PSD3: variants seen among roughly 807,000 people sequenced by gnomAD.
PSD3 encodes pleckstrin and Sec7 domain containing 3.
PSD3 carries 49 observed loss-of-function variants against 105.5 expected under a neutral mutation model. The ratio of observed to expected loss-of-function variants is 0.46; its 90% CI spans 0.37 to 0.59. PSD3 has a LOEUF of 0.59. Among genes scored for constraint, PSD3 ranks in the 20% least tolerant of loss-of-function variants. The pLI, the probability that PSD3 is intolerant of heterozygous loss-of-function variation, is 0.00. For synonymous variants in PSD3, 557 were observed against 457.8 expected (o/e 1.22, Z -2.77); for missense variants, 1,561 against 1,263.8 (o/e 1.24, Z -3.57).
intron 8 of PSD3, among the ~76,000 whole-genome samples, chr8:18,773,144 T>C (rs949062771): frequency 6.6e-6 from 1 of 152,188 alleles, no homozygotes; most frequent in African/African-American, 2.4e-5. Context: ...GATTTTATAG[T>C]TTCAGGATTA....
intron 4 of PSD3, among the ~76,000 whole-genome samples, chr8:18,834,137 A>T (rs935782363): frequency 6.6e-6 from 1 of 152,192 alleles, no homozygotes. Flanking sequence ...ATGTAATCCA[A>T]TTCAAAGAGC....
chr8:18,886,582 T>C (rs989391225), intron 2 of PSD3, among the ~76,000 whole-genome samples: 9 of 152,210 alleles, frequency 5.9e-5, no homozygotes, highest in African/African-American at 9.6e-5. Context: ...TTTGCCTGCA[T>C]AGACCTACAA....
chr8:18,995,381 G>A (rs1826024133), intron 1 of PSD3, among the ~76,000 whole-genome samples: 1 of 152,028 alleles, frequency 6.6e-6, no homozygotes, highest in African/African-American at 2.4e-5. Flanking sequence ...AATGCAGAGT[G>A]GAAAGCGGAG....
chr8:18,819,213 C>G (rs1263313850), intron 4 of PSD3, among the ~76,000 whole-genome samples: 1 of 152,172 alleles, frequency 6.6e-6, no homozygotes, highest in Non-Finnish European at 1.5e-5. Context: ...CAAAGCCAGG[C>G]TTTCCAGAGG....
chr8:18,949,517 A>G (rs1823109412), intron 1 of PSD3, among the ~76,000 whole-genome samples: 1 of 151,976 alleles, frequency 6.6e-6, no homozygotes, highest in South Asian at 2.1e-4. Flanking sequence ...TGTAAGAAAT[A>G]CATGTCCCAC....
At chr8:18,832,637 G>A (rs1044279947) in intron 4 of PSD3, among the ~76,000 whole-genome samples, 10 of 152,136 alleles carry the variant, frequency 6.6e-5, no homozygotes, top group Non-Finnish European at 1.0e-4. Flanking sequence ...TTCTCACAGC[G>A]CTAATAAAGA....
chr8:18,762,300 A>C (rs1467176640), intron 9 of PSD3, among the ~76,000 whole-genome samples: 3 of 152,202 alleles, frequency 2.0e-5, no homozygotes, highest in Non-Finnish European at 2.9e-5. Flanking sequence ...CGGCCACTTA[A>C]GATGTGCCTG....
intron 11 of PSD3, among the ~76,000 whole-genome samples, chr8:18,602,978 C>T (rs1294170191): frequency 6.6e-6 from 1 of 152,130 alleles, no homozygotes; most frequent in Non-Finnish European, 1.5e-5. Context: ...ACATAATGAA[C>T]TTGATGAGAG....
At position 18,646,501 on chromosome 8, in the gene PSD3, G is replaced by A. The variant is rs565080213; in HGVS notation, c.2216+9141C>T. 7.2e-5 allele frequency among the ~76,000 whole-genome samples: 11 copies of A among 152,240 alleles called. No individual in the cohort carries two copies. The East Asian group carries it at 2.1e-3, about 29-fold the overall frequency. On this transcript the variant is annotated intron_variant, in intron 10 of 15. Transcript: ENST00000327040. ...TAGGAAGAACTCTTTTCATTAGGAT[G>A]TAAGTTCAATTCTAAAAAGTACACA...
At chr8:18,943,142 A>G (rs1444854338) in intron 1 of PSD3, among the ~76,000 whole-genome samples, 1 of 152,226 alleles carries the variant, frequency 6.6e-6, no homozygotes, top group Non-Finnish European at 1.5e-5. Context: ...GGGTGGCTGC[A>G]AAGATCAACA....
chr8:19,052,090 T>C (rs1272841534), intron 1 of PSD3, among the ~76,000 whole-genome samples: 8 of 152,132 alleles, frequency 5.3e-5, no homozygotes, highest in East Asian at 1.9e-4. Flanking sequence ...AGGAGCAAGA[T>C]TGGATGGAAG....
At chr8:18,706,413 A>C (rs559662129) in intron 9 of PSD3, among the ~76,000 whole-genome samples, 14 of 152,358 alleles carry the variant, frequency 9.2e-5, no homozygotes, top group African/African-American at 3.4e-4. Context: ...GTTAAAAAAA[A>C]GAAAACCTTA....
intron 1 of PSD3, among the ~76,000 whole-genome samples, chr8:18,954,580 C>T (rs1392474287): frequency 2.6e-5 from 4 of 152,080 alleles, no homozygotes; most frequent in South Asian, 2.1e-4. Context: ...GAGTTCTGGT[C>T]GGAGAAGAAT....
At chr8:18,682,296 C>G (rs1385648572) in intron 9 of PSD3, among the ~76,000 whole-genome samples, 1 of 152,204 alleles carries the variant, frequency 6.6e-6, no homozygotes, top group Non-Finnish European at 1.5e-5. Flanking sequence ...ATTAAAACAT[C>G]CAAAACAAAA....
At position 18,604,131 on chromosome 8, in the gene PSD3, C is replaced by A. The variant is rs549076154; in HGVS notation, c.2411-3697G>T. Among the ~76,000 whole-genome samples the A allele has an allele frequency of 2.1e-4, 32 of 152,206 alleles. 1 individual carries two copies. The South Asian group carries it at 6.2e-3, about 30-fold the overall frequency. On this transcript the variant is annotated intron_variant, in intron 11 of 15. Transcript: ENST00000327040. The stretch of plus-strand genomic sequence containing the variant: ...AGAGGGTGGAGGGCTCAGAATAATA[C>A]AGGAAGATGACTGAAAGTTTGGAAA...
At chr8:18,834,011 A>G (rs1439065314) in intron 4 of PSD3, among the ~76,000 whole-genome samples, 1 of 151,956 alleles carries the variant, frequency 6.6e-6, no homozygotes, top group Non-Finnish European at 1.5e-5. Context: ...TAAACTTAAG[A>G]AAACTAAAAT....
At chr8:18,555,774 G>C (rs146091157) in intron 15 of PSD3, among the ~76,000 whole-genome samples, 3 of 152,316 alleles carry the variant, frequency 2.0e-5, no homozygotes, top group South Asian at 2.1e-4. Flanking sequence ...AAAACGCATA[G>C]TGTTGCCGAA....
chr8:18,979,392 G>C (rs1449232599), intron 1 of PSD3, among the ~76,000 whole-genome samples: 1 of 152,114 alleles, frequency 6.6e-6, no homozygotes, highest in East Asian at 1.9e-4. Context: ...TTCTCTTAGG[G>C]AGCACATTCT....
At chr8:19,035,395 C>T (rs975865220) in intron 1 of PSD3, among the ~76,000 whole-genome samples, 1 of 152,168 alleles carries the variant, frequency 6.6e-6, no homozygotes, top group Non-Finnish European at 1.5e-5. Flanking sequence ...AATGGATACA[C>T]AGTGTTTAGT....
Sources: allele counts gnomAD v4.1 joint callset (sites outside exome capture counted in the v4.1 genomes callset), GRCh38; gene constraint gnomAD v4.1.1; transcripts MANE v1.5; gene names NCBI Gene and HGNC (gene_info 2026-07-23, HGNC 2026-07-21).